THSD4: variants seen among roughly 807,000 people sequenced by gnomAD.
THSD4 encodes the protein thrombospondin type-1 domain-containing protein 4.
A neutral mutation model predicts 119.0 loss-of-function variants in THSD4; 69 were observed. The ratio of observed to expected loss-of-function variants is 0.58; its 90% confidence interval spans 0.48 to 0.71. The LOEUF (loss-of-function observed/expected upper bound fraction) is 0.71, where lower values mean the gene tolerates loss of function less well. THSD4 is among the 30% of genes least tolerant of loss of function. THSD4 has a pLI of 0.00. For missense variants in THSD4, 1,393 were observed against 1,391.1 expected (o/e 1.00, Z -0.02); for synonymous variants, 524 against 540.4 (o/e 0.97, Z 0.42).
At chr15:71,479,358 C>T (rs965498883) in intron 7 of THSD4, among the ~76,000 whole-genome samples, 1 of 151,974 alleles carries the variant, frequency 6.6e-6, no homozygotes, top group African/African-American at 2.4e-5. Flanking sequence ...AGCCTTAGTT[C>T]TTTTAATTGG....
At chr15:71,709,372 C>T (rs1212248026) in intron 8 of THSD4, among the ~76,000 whole-genome samples, 2 of 152,094 alleles carry the variant, frequency 1.3e-5, no homozygotes, top group Non-Finnish European at 2.9e-5. Flanking sequence ...AAAATCAAAG[C>T]GTTTTTATCA....
At chr15:71,319,335 G>A (rs1050907926) in intron 6 of THSD4, among the ~76,000 whole-genome samples, 12 of 151,594 alleles carry the variant, frequency 7.9e-5, no homozygotes, top group African/African-American at 2.7e-4. Context: ...TTGGTGTGCT[G>A]TACCCATTAA....
At chr15:71,200,168 CTTCTT>C (rs1224867090) in intron 3 of THSD4, among the ~76,000 whole-genome samples, 2 of 152,064 alleles carry the variant, frequency 1.3e-5, no homozygotes, top group Non-Finnish European at 2.9e-5. Context: ...TTTTGTGACT[CTTCTT>C]TTAGCCAGAA....
intron 6 of THSD4, among the ~76,000 whole-genome samples, chr15:71,388,826 T>C (rs2046329219): frequency 6.6e-6 from 1 of 152,170 alleles, no homozygotes; most frequent in Non-Finnish European, 1.5e-5. Context: ...GGTTTGGCTG[T>C]GTCGCCACCC....
chr15:71,505,621 C>T (rs1283181379), intron 7 of THSD4, among the ~76,000 whole-genome samples: 3 of 152,180 alleles, frequency 2.0e-5, no homozygotes, highest in African/African-American at 7.2e-5. Context: ...TAAAATCTTG[C>T]AAAAGTAGAG....
rs768733176 is a variant in THSD4 at position 71,589,557 on chromosome 15, T to C, written c.1153-70973T>C. Among the ~76,000 whole-genome samples, 3 of 138,046 alleles carry C rather than the reference T, an allele frequency of 2.2e-5. 1 individual carries two copies. Among genetic ancestry groups the C allele is most frequent in the Non-Finnish European group, 3.3e-5 (2 of 60,820 alleles). The allele number at this position is 138,046 out of a possible 152,430, so 90.6% of individuals were successfully genotyped here. A position where few individuals can be genotyped will look rare whatever the true frequency, so the allele number is the denominator to read the frequency against. ...TTTTTTTGGTAGAGATGGGGCCCCA[T>C]GTGTCACCCTGTTGGGTCATGATCT... On this transcript the variant is annotated intron_variant, in intron 7 of 17. Coordinates refer to ENST00000261862, the MANE Select transcript of THSD4 (RefSeq NM_024817.3).
chr15:71,600,134 TG>T (rs1162794461), intron 7 of THSD4, among the ~76,000 whole-genome samples: 3 of 152,250 alleles, frequency 2.0e-5, no homozygotes, highest in African/African-American at 7.2e-5. Context: ...CGTGGGGAAA[TG>T]CTACTAATTA....
chr15:71,332,675 A>G (rs1006952496), intron 6 of THSD4, among the ~76,000 whole-genome samples: 7 of 152,100 alleles, frequency 4.6e-5, no homozygotes, highest in Admixed American at 2.6e-4. Context: ...GATAGGGACC[A>G]TTCAACCTGA....
At chr15:71,702,553 A>G (rs1018117743) in intron 8 of THSD4, among the ~76,000 whole-genome samples, 6 of 152,160 alleles carry the variant, frequency 3.9e-5, no homozygotes, top group African/African-American at 1.4e-4. Flanking sequence ...TCCTATGCAG[A>G]ATGTTACTTG....
chr15:71,727,573 T>C (rs1298328636), intron 8 of THSD4, among the ~76,000 whole-genome samples: 224 of 67,720 alleles, frequency 3.3e-3, no homozygotes, highest in African/African-American at 0.017. Context: ...TATATATATA[T>C]ATATATATAT....
chr15:71,216,988 G>T (rs935632448), intron 4 of THSD4, among the ~76,000 whole-genome samples: 1 of 152,080 alleles, frequency 6.6e-6, no homozygotes, highest in Admixed American at 6.5e-5. Context: ...GTAGAGGTGG[G>T]GTTTCGCCAT....
intron 6 of THSD4, among the ~76,000 whole-genome samples, chr15:71,362,777 CCCCT>C (rs1406969957): frequency 6.6e-6 from 1 of 152,228 alleles, no homozygotes; most frequent in Middle Eastern, 3.4e-3. Context: ...TTTCATCCTC[CCCCT>C]CCCTCCACAC....
At chr15:71,758,192 T>C (rs2053576620) in intron 15 of THSD4, 117 bp downstream of exon 15, 5 of 1,231,238 alleles carry the variant, frequency 4.1e-6, no homozygotes, top group Non-Finnish European at 4.4e-6. Context: ...GCAGTGCCAC[T>C]GTCTATCTGT....
In THSD4 at chr15:71,771,127, ACT is replaced by A. The variant is rs1369853018; in HGVS notation, c.2836_2837del (p.Leu946LysfsTer2). On this transcript the variant is annotated frameshift_variant, in exon 17 of 18. Transcript: ENST00000261862. LOFTEE classifies it high-confidence loss of function. ...AGTGCGGTGTCTGTCTGATGACATGACTCTAAGTAACCTCTGTGACCCTCAGT... is the reference window on the plus strand; with the variant it reads ...AGTGCGGTGTCTGTCTGATGACATGACTAAGTAACCTCTGTGACCCTCAGT... ...REVRCLSDDMTLSNLCDPQLK... is the reference protein window; with the variant it reads ...REVRCLSDDMXLSNLCDPQLK... 1.9e-6 allele frequency: 3 copies of A among 1,606,288 alleles called. No homozygotes were observed. Among genetic ancestry groups the A allele is most frequent in the Non-Finnish European group, 2.6e-6 (3 of 1,173,386 alleles).
intron 6 of THSD4, among the ~76,000 whole-genome samples, chr15:71,398,160 T>A (rs2046476872): frequency 6.6e-6 from 1 of 152,136 alleles, no homozygotes; most frequent in Admixed American, 6.6e-5. Flanking sequence ...CTTCCAGAAG[T>A]CACATCTGCA....
At chr15:71,594,215 T>C (rs2049864265) in intron 7 of THSD4, among the ~76,000 whole-genome samples, 1 of 151,862 alleles carries the variant, frequency 6.6e-6, no homozygotes, top group Non-Finnish European at 1.5e-5. Context: ...TGAATCCTTT[T>C]TTTTTTTTTT....
intron 6 of THSD4, among the ~76,000 whole-genome samples, chr15:71,357,970 G>A (rs1480362377): frequency 2.6e-5 from 4 of 152,190 alleles, no homozygotes; most frequent in African/African-American, 9.7e-5. Flanking sequence ...AGGTTCTGAG[G>A]TGGCTTTGCT....
chr15:71,332,708 T>C (rs2045438040), intron 6 of THSD4, among the ~76,000 whole-genome samples: 1 of 151,960 alleles, frequency 6.6e-6, no homozygotes, highest in Non-Finnish European at 1.5e-5. Flanking sequence ...CTCTCTCTCT[T>C]TTGCCATACC....
intron 6 of THSD4, among the ~76,000 whole-genome samples, chr15:71,400,486 A>G (rs1308129474): frequency 6.6e-6 from 1 of 152,184 alleles, no homozygotes; most frequent in Admixed American, 6.5e-5. Context: ...CTAGTCCAGA[A>G]TTTGGAATCC....
Sources: allele counts gnomAD v4.1 joint callset (sites outside exome capture counted in the v4.1 genomes callset), GRCh38; gene constraint gnomAD v4.1.1; transcripts MANE v1.5; gene names NCBI Gene and HGNC (gene_info 2026-07-23, HGNC 2026-07-21).